Variants in TJP1 observed in about 807,000 individuals in gnomAD.
The protein encoded by TJP1 is tight junction protein ZO-1.
TJP1 carries 43 observed loss-of-function variants against 194.2 expected under a neutral mutation model. The observed-to-expected ratio is 0.22, with a 90% confidence interval of 0.17 to 0.29. TJP1 has a LOEUF of 0.29. Among genes scored for constraint, TJP1 ranks in the 10% least tolerant of loss-of-function variants. The pLI is 1.00. For synonymous variants in TJP1, 801 were observed against 779.0 expected (o/e 1.03, Z -0.47); for missense variants, 1,971 against 2,185.7 (o/e 0.90, Z 1.96).
intron 2 of TJP1, among the ~76,000 whole-genome samples, chr15:29,902,921 CTA>C (rs2053679589): frequency 6.6e-6 from 1 of 152,084 alleles, no homozygotes; most frequent in African/African-American, 2.4e-5. Context: ...GTAATCCCAG[CTA>C]CTCGGGAAGC....
At chr15:29,894,415 C>A (rs181270886) in intron 2 of TJP1, among the ~76,000 whole-genome samples, 1 of 152,178 alleles carries the variant, frequency 6.6e-6, no homozygotes, top group Non-Finnish European at 1.5e-5. Flanking sequence ...GCCAACATCA[C>A]GCCACTGCAC....
chr15:29,916,222 A>G (rs140783634), intron 2 of TJP1, among the ~76,000 whole-genome samples: 2,038 of 148,368 alleles, frequency 0.014, 50 homozygotes, highest in African/African-American at 0.049. Flanking sequence ...CCTGTGCGAC[A>G]AGAGCAAGAC....
intron 2 of TJP1, among the ~76,000 whole-genome samples, chr15:29,861,572 A>G (rs970405481): frequency 6.6e-6 from 1 of 152,152 alleles, no homozygotes; most frequent in Non-Finnish European, 1.5e-5. Context: ...TGTGCTTATT[A>G]TCTATTTGTA....
chr15:29,738,259 C>T (rs1198143256), intron 10 of TJP1, among the ~76,000 whole-genome samples: 3 of 152,086 alleles, frequency 2.0e-5, no homozygotes, highest in African/African-American at 7.2e-5. Flanking sequence ...CAAGAAAATA[C>T]ACTATTTTAC....
upstream of TJP1, chr15:29,823,349 G>A (rs886958167): frequency 6.6e-6 from 1 of 152,158 alleles, no homozygotes; most frequent in African/African-American, 2.4e-5. Context: ...TGACGGCTTT[G>A]CTAAACACCA....
intron 4 of TJP1, among the ~76,000 whole-genome samples, chr15:29,770,510 T>G (rs2046594656): frequency 1.3e-5 from 2 of 151,418 alleles, no homozygotes; most frequent in South Asian, 4.2e-4. Flanking sequence ...CATCAGGAGA[T>G]CGACACCATC....
At chr15:29,896,457 T>C (rs915690983) in intron 2 of TJP1, among the ~76,000 whole-genome samples, 6 of 152,234 alleles carry the variant, frequency 3.9e-5, no homozygotes, top group African/African-American at 1.4e-4. Flanking sequence ...GTCTTGGATA[T>C]GTCTTTTTCA....
chr15:29,759,331 T>C (rs2151508411), intron 8 of TJP1: 1 of 152,342 alleles, frequency 6.6e-6, no homozygotes, highest in Admixed American at 6.5e-5. Context: ...TTACTTTTTC[T>C]TTCCAGCTTT....
At chr15:29,942,568 CAA>C (rs2055117484) in intron 2 of TJP1, among the ~76,000 whole-genome samples, 1 of 152,228 alleles carries the variant, frequency 6.6e-6, no homozygotes, top group Non-Finnish European at 1.5e-5. Context: ...CTGGAACTCC[CAA>C]AGTTATAAAA....
chr15:29,833,994 T>C (rs1379147144), intron 2 of TJP1, among the ~76,000 whole-genome samples: 7 of 90,634 alleles, frequency 7.7e-5, no homozygotes, highest in African/African-American at 2.9e-4. Flanking sequence ...GCCATTCTCC[T>C]GCCTCAGCCT....
chr15:29,944,166 C>T (rs1468193919), intron 2 of TJP1, among the ~76,000 whole-genome samples: 2 of 151,760 alleles, frequency 1.3e-5, no homozygotes, highest in East Asian at 1.9e-4. Flanking sequence ...AATCTTGGCT[C>T]ACTGCAAGCT....
chr15:29,719,004 T>C lies in TJP1; in HGVS notation c.3138A>G (p.Val1046=). The C allele has an allele frequency of 6.2e-7, 1 of 1,614,204 alleles. No individual in the cohort carries two copies. The highest frequency in any genetic ancestry group is 8.5e-7 in the Non-Finnish European group (1 of 1,180,040). Residue 1046 remains valine (V), a synonymous_variant, in exon 21 of 28, where the codon GTA becomes GTG. Transcript: ENST00000614355. ...CGAGGTCTCTGCTGGCTTGTTTCTCTACGTATGGGAGTTGGGGTTCATAGG... is the reference window on the plus strand; with the variant it reads ...CGAGGTCTCTGCTGGCTTGTTTCTCCACGTATGGGAGTTGGGGTTCATAGG... The part of the protein sequence containing the change: ...NLTYEPQLPY[V]EKQASRDLEQ...
chr15:29,741,694 T>C (rs75421599), intron 9 of TJP1, among the ~76,000 whole-genome samples: 1,984 of 152,158 alleles, frequency 0.013, 52 homozygotes, highest in East Asian at 0.097. Context: ...TAACAAAAAA[T>C]AGATATGAGA....
chr15:29,949,471 C>T (rs1596310226), intron 2 of TJP1, among the ~76,000 whole-genome samples: 42 of 96,834 alleles, frequency 4.3e-4, no homozygotes, highest in Admixed American at 6.9e-4. Context: ...CCACCACCAC[C>T]ACCTCCACAA....
At chr15:29,774,353 T>C (rs1406471799) in intron 2 of TJP1, among the ~76,000 whole-genome samples, 1 of 152,074 alleles carries the variant, frequency 6.6e-6, no homozygotes, top group Non-Finnish European at 1.5e-5. Flanking sequence ...AAATACCAAC[T>C]ATTCCAAGTG....
At chr15:29,786,804 T>C (rs1276579786) in intron 2 of TJP1, among the ~76,000 whole-genome samples, 1 of 152,194 alleles carries the variant, frequency 6.6e-6, no homozygotes, top group Non-Finnish European at 1.5e-5. Flanking sequence ...GCCAGCCACA[T>C]TTAAAAACTG....
At chr15:29,754,211 G>A (rs1238799876) in intron 8 of TJP1, among the ~76,000 whole-genome samples, 1 of 152,226 alleles carries the variant, frequency 6.6e-6, no homozygotes, top group Non-Finnish European at 1.5e-5. Context: ...AAAAGAACAT[G>A]TCTTTTGCCA....
chr15:29,733,474 G>T (rs2043807173), intron 12 of TJP1, among the ~76,000 whole-genome samples, 161 bp from the exon 13 acceptor site: 1 of 152,168 alleles, frequency 6.6e-6, no homozygotes, highest in African/African-American at 2.4e-5. Flanking sequence ...ATCACTGTAA[G>T]AATTGAAACT....
At chr15:29,841,423 G>T (rs1442688417) in intron 2 of TJP1, among the ~76,000 whole-genome samples, 1 of 152,102 alleles carries the variant, frequency 6.6e-6, no homozygotes, top group Non-Finnish European at 1.5e-5. Context: ...TTAAAAGGAG[G>T]CCCACCCTTC....
Sources: gnomAD v4.1 joint callset for allele counts (sites outside exome capture counted in the v4.1 genomes callset) on GRCh38, gnomAD v4.1.1 for gene constraint, MANE v1.5 for transcripts, NCBI Gene and HGNC (gene_info 2026-07-23, HGNC 2026-07-21) for gene names.